The following OSBPL5 variants were observed in gnomAD, a reference collection of about 807,000 sequenced individuals.
The protein encoded by OSBPL5 is oxysterol-binding protein-related protein 5.
A neutral mutation model predicts 111.2 loss-of-function variants in OSBPL5; 71 were observed. The ratio of observed to expected loss-of-function variants is 0.64; its 90% confidence interval spans 0.53 to 0.78. OSBPL5 has a LOEUF of 0.78. Ranked by LOEUF, OSBPL5 falls within the 30% of genes least tolerant of loss-of-function variation. The pLI, the probability that OSBPL5 is intolerant of heterozygous loss-of-function variation, is 0.00. For missense variants in OSBPL5, 1,210 were observed against 1,189.3 expected (o/e 1.02, Z -0.26); for synonymous variants, 549 against 513.9 (o/e 1.07, Z -0.93).
chr11:3,165,211 C>G lies in OSBPL5; in HGVS notation c.-22+5G>C, dbSNP rs1847085343. ...CTGCCGCCCCCCGGGCCGCCGCGCT[C>G]CTACCTCCTACCGTGCCGCGAGCTC... On this transcript the variant is annotated splice_donor_5th_base_variant and intron_variant, in intron 1 of 21. Transcript: ENST00000263650. The surrounding 1 kb of genome is among the most constrained non-coding windows in gnomAD (Gnocchi z 7.4). The G allele has an allele frequency of 6.6e-6, 1 of 150,830 alleles. No individual in the cohort carries two copies. Among genetic ancestry groups the G allele is most frequent in the East Asian group, 1.9e-4 (1 of 5,146 alleles). The allele number at this position is 150,830 out of a possible 1,614,324, so 9.3% of individuals were successfully genotyped here.
intron 13 of OSBPL5, among the ~76,000 whole-genome samples, chr11:3,100,971 C>CTTTG (rs1857433427): frequency 1.6e-5 from 2 of 123,436 alleles, no homozygotes; most frequent in Non-Finnish European, 3.4e-5. Context: ...AGTTTCATTT[C>CTTTG]TTTTTTTTTT....
At chr11:3,144,152 C>G (rs1846250939) in intron 1 of OSBPL5, among the ~76,000 whole-genome samples, 2 of 152,170 alleles carry the variant, frequency 1.3e-5, no homozygotes. Context: ...CAGGCTGCAT[C>G]AGGACAGAAA....
chr11:3,121,616 G>A lies in OSBPL5; in HGVS notation c.402+381C>T, dbSNP rs1278933301. ...GAGTGAATGGCCACGGTCTCCGTGA[G>A]GTCTGAACACAGGACACCCGGCCCT... On this transcript the variant is annotated intron_variant, in intron 5 of 21. Coordinates refer to ENST00000263650, the MANE Select transcript of OSBPL5 (RefSeq NM_020896.4). The surrounding 1 kb of genome is among the most constrained non-coding windows in gnomAD (Gnocchi z 4.3). Among the ~76,000 whole-genome samples, 3 of 152,156 alleles carry A rather than the reference G, an allele frequency of 2.0e-5. No individual in the cohort carries two copies. The highest frequency in any genetic ancestry group is 4.4e-5 in the Non-Finnish European group (3 of 68,032).
chr11:3,120,402 C>T lies in OSBPL5; in HGVS notation c.606+19G>A. ...GGCCCTACGGGGCCTCTGTCTTCAA[C>T]CCCACCCCTCCGCAGCACCTTCACG... On this transcript the variant is annotated intron_variant, in intron 6 of 21. Transcript: ENST00000263650. The T allele has an allele frequency of 6.2e-7, 1 of 1,606,430 alleles. No homozygotes were observed. Among genetic ancestry groups the T allele is most frequent in the African/African-American group, 1.3e-5 (1 of 74,920 alleles).
chr11:3,151,895 A>G (rs1162963962), intron 1 of OSBPL5, among the ~76,000 whole-genome samples: 1 of 152,130 alleles, frequency 6.6e-6, no homozygotes, highest in African/African-American at 2.4e-5. Flanking sequence ...GCTCCTGGAG[A>G]GGGGCCCGTT....
chr11:3,145,033 G>A (rs67977278), intron 1 of OSBPL5, among the ~76,000 whole-genome samples: 14 of 152,302 alleles, frequency 9.2e-5, no homozygotes, highest in Middle Eastern at 3.4e-3. Flanking sequence ...GGAGGCCTTT[G>A]GGGGGCAGCC....
In OSBPL5 at chr11:3,121,395, T is replaced by C. The variant is rs1858412180; in HGVS notation, c.402+602A>G. Among the ~76,000 whole-genome samples, 1 of 152,152 alleles carries C rather than the reference T, an allele frequency of 6.6e-6. No individual in the cohort carries two copies. Among genetic ancestry groups the C allele is most frequent in the Non-Finnish European group, 1.5e-5 (1 of 68,032 alleles). ...AAATTCTGAAAGTAGTTGTCTTCTT[T>C]TCTCATTCTAAATACTCACTTTTGC... is the stretch of plus-strand genomic sequence containing the variant. On this transcript the variant is annotated intron_variant, in intron 5 of 21. Transcript: ENST00000263650. This position sits in a 1 kb window ranked among gnomAD's most constrained non-coding sequence, Gnocchi z 4.3.
intron 1 of OSBPL5, among the ~76,000 whole-genome samples, chr11:3,131,699 TATCCATCC>T (rs796941353): frequency 0.084 from 6,653 of 78,940 alleles, 194 homozygotes; most frequent in Admixed American, 0.14. Context: ...CCCATTCATC[TATCCATCC>T]ATCCATCCAT....
In OSBPL5 at chr11:3,105,096, C is replaced by T. The variant is rs966143417; in HGVS notation, c.1060-719G>A. On this transcript the variant is annotated intron_variant, in intron 9 of 21. Transcript: ENST00000263650. This position sits in a 1 kb window ranked among gnomAD's most constrained non-coding sequence, Gnocchi z 5.2. The stretch of plus-strand genomic sequence containing the variant: ...TCCCCTTACTCACTCCAGACTTGCA[C>T]CTCACCGCAGCCCCAGGGAACGGGG... Among the ~76,000 whole-genome samples, 3 of 152,266 alleles carry T rather than the reference C, an allele frequency of 2.0e-5. No individual in the cohort carries two copies. Among genetic ancestry groups the T allele is most frequent in the East Asian group, 3.9e-4 (2 of 5,154 alleles).
intron 1 of OSBPL5, among the ~76,000 whole-genome samples, chr11:3,152,572 G>A (rs1347349700): frequency 6.6e-6 from 1 of 152,164 alleles, no homozygotes; most frequent in East Asian, 1.9e-4. Flanking sequence ...CAGCAGCGGG[G>A]GCCTGCAGGA....
rs1366008911 is a variant in OSBPL5, at chr11:3,140,121, G to A, written c.-21-10952C>T. 1.3e-5 allele frequency among the ~76,000 whole-genome samples: 2 copies of A among 152,212 alleles called. No individual in the cohort carries two copies. The highest frequency in any genetic ancestry group is 2.4e-5 in the African/African-American group (1 of 41,454). On this transcript the variant is annotated intron_variant, in intron 1 of 21. Coordinates refer to ENST00000263650, the MANE Select transcript of OSBPL5 (RefSeq NM_020896.4). The surrounding 1 kb of genome is among the most constrained non-coding windows in gnomAD (Gnocchi z 4.5). ...CTGCCAAGGAGCTCCCTCTGCAGAGGAGAACCCGGCCAAGGTCCCCCAAAT... is the reference window on the plus strand; with the variant it reads ...CTGCCAAGGAGCTCCCTCTGCAGAGAAGAACCCGGCCAAGGTCCCCCAAAT...
At chr11:3,134,737 G>T (rs915657858) in intron 1 of OSBPL5, among the ~76,000 whole-genome samples, 4 of 151,604 alleles carry the variant, frequency 2.6e-5, no homozygotes, top group African/African-American at 7.3e-5. Context: ...GGGCCGGGGA[G>T]CCCACAGGGG....
In OSBPL5 at chr11:3,122,446, G is replaced by C. The variant is rs1296779364; in HGVS notation, c.220-18C>G. The C allele has an allele frequency of 1.2e-6, 2 of 1,612,294 alleles. No individual in the cohort carries two copies. Among genetic ancestry groups the C allele is most frequent in the Non-Finnish European group, 1.7e-6 (2 of 1,179,058 alleles). On this transcript the variant is annotated intron_variant, in intron 3 of 21. Coordinates refer to ENST00000263650, the MANE Select transcript of OSBPL5 (RefSeq NM_020896.4). ...TACTCTGCCTGAAAGAGAGAGGTGG[G>C]TATGCGGGACAGGGCACAGGGGCCG...
chr11:3,102,023 G>A (rs1160923530), intron 12 of OSBPL5, among the ~76,000 whole-genome samples, 160 bp downstream of exon 12: 1 of 152,182 alleles, frequency 6.6e-6, no homozygotes, highest in Non-Finnish European at 1.5e-5. Context: ...TGTTGGCAGC[G>A]GCTGGGTCCA....
At chr11:3,145,560 T>C (rs890558986) in intron 1 of OSBPL5, among the ~76,000 whole-genome samples, 2 of 152,216 alleles carry the variant, frequency 1.3e-5, no homozygotes, top group South Asian at 4.1e-4. Flanking sequence ...TTTGGCCTCT[T>C]GAGGGCTGGG....
intron 1 of OSBPL5, among the ~76,000 whole-genome samples, chr11:3,131,932 TCCA>T (rs1845821021): frequency 9.8e-4 from 1 of 1,018 alleles, no homozygotes; most frequent in East Asian, 0.01. Flanking sequence ...CTCCTGTCCA[TCCA>T]TCCATCCATC....
rs111640193 is a variant in OSBPL5, at chr11:3,154,910, T to TATA, written c.-22+10303_-22+10305dup. On this transcript the variant is annotated intron_variant, in intron 1 of 21. Coordinates refer to ENST00000263650, the MANE Select transcript of OSBPL5 (RefSeq NM_020896.4). This position sits in a 1 kb window ranked among gnomAD's most constrained non-coding sequence, Gnocchi z 4.9. Reference sequence around the variant, plus strand: ...TGCACATGTACCCTAGAACTTAAAGTATAATAATAATAATAATAATAAAAA... The same window carrying TATA: ...TGCACATGTACCCTAGAACTTAAAGTATAATAATAATAATAATAATAATAAAAA... Among the ~76,000 whole-genome samples, 9,373 of 150,916 alleles carry TATA rather than the reference T, an allele frequency of 0.062. 450 individuals carry two copies. Among genetic ancestry groups the TATA allele is most frequent in the African/African-American group, 0.12 (5,135 of 41,110 alleles).
Position 3,092,983 on chromosome 11 carries a change from T to C in OSBPL5, c.2016A>G (p.Ala672=). ...CCCGCTGCCGCTGTGCCTCCTCCAGTGCAAACTTCTCCTGTGTGGCCCTGT... is the reference window on the plus strand; with the variant it reads ...CCCGCTGCCGCTGTGCCTCCTCCAGCGCAAACTTCTCCTGTGTGGCCCTGT... The part of the protein sequence containing the change: ...DQHRATQEKF[A]LEEAQRQRAR... Residue 672 remains alanine (A), a synonymous_variant, in exon 18 of 22, where the codon GCA becomes GCG. Transcript: ENST00000263650. The surrounding 1 kb of genome is among the most constrained non-coding windows in gnomAD (Gnocchi z 5.4). The C allele has an allele frequency of 1.2e-6, 2 of 1,605,292 alleles. No individual in the cohort carries two copies. Among genetic ancestry groups the C allele is most frequent in the African/African-American group, 1.3e-5 (1 of 74,972 alleles).
intron 1 of OSBPL5, among the ~76,000 whole-genome samples, chr11:3,158,447 T>C (rs118031398): frequency 0.012 from 1,780 of 152,348 alleles, 26 homozygotes; most frequent in Middle Eastern, 0.054. Context: ...TGCAGAGAGC[T>C]CTTCCTGTCC....
Sources: allele counts gnomAD v4.1 joint callset (sites outside exome capture counted in the v4.1 genomes callset), GRCh38; gene constraint gnomAD v4.1.1; non-coding constraint Gnocchi (gnomAD v3.1); transcripts MANE v1.5; gene names NCBI Gene and HGNC (gene_info 2026-07-23, HGNC 2026-07-21).